Variants in NCOR2 observed in about 807,000 individuals in gnomAD.
The protein encoded by NCOR2 is CTG repeat protein 26.
A neutral mutation model predicts 262.9 loss-of-function variants in NCOR2; 81 were observed. That is an observed-to-expected ratio of 0.31 (90% CI 0.26 to 0.37). The LOEUF is 0.37. Ranked by LOEUF, NCOR2 falls within the 10% of genes least tolerant of loss-of-function variation. NCOR2 has a pLI of 1.00. For synonymous variants in NCOR2, 1,659 were observed against 1,559.3 expected, an observed-to-expected ratio of 1.06 and a Z score of -1.51; for missense variants, 3,385 against 3,621.4, an observed-to-expected ratio of 0.93 and a Z score of 1.68.
At chr12:124,558,517 G>A (rs930241961) in intron 1 of NCOR2, among the ~76,000 whole-genome samples, 18 of 152,234 alleles carry the variant, frequency 1.2e-4, no homozygotes, top group Admixed American at 1.2e-3. Context: ...CAGCCAGAGA[G>A]CAGGCAGGAG....
rs869356 is a variant in NCOR2 at position 124,334,552 on chromosome 12, G to C, written c.6477C>G (p.Pro2159=). Residue 2159 remains proline (P), a synonymous_variant, in exon 41 of 47, where the codon CCC becomes CCG. Coordinates refer to ENST00000405201, the Ensembl canonical transcript of NCOR2. ...AGCTGGCCCCAGGGAAGGAGTAGAG[G>C]GGGGCGGGCAGGGGTGCGCTGAGCT... The C allele has an allele frequency of 2.1e-5, 30 of 1,422,418 alleles. No individual in the cohort carries two copies. The Admixed American group carries it at 8.5e-4, about 40-fold the overall frequency. The allele number at this position is 1,422,418 out of a possible 1,614,324, so 88.1% of individuals were successfully genotyped here. A position where few individuals can be genotyped will look rare whatever the true frequency, so the allele number is the denominator to read the frequency against.
intron 13 of NCOR2, among the ~76,000 whole-genome samples, chr12:124,404,339 T>C (rs2042152303): frequency 6.6e-6 from 1 of 152,174 alleles, no homozygotes; most frequent in Non-Finnish European, 1.5e-5. Flanking sequence ...GCCGGGGCTT[T>C]TGAATCACAC....
intron 14 of NCOR2, among the ~76,000 whole-genome samples, chr12:124,400,916 G>T (rs2041956174): frequency 6.6e-6 from 1 of 152,202 alleles, no homozygotes; most frequent in Admixed American, 6.5e-5. Context: ...TCTCAAAAGG[G>T]AGTTGCGGCC....
chr12:124,374,936 C>G (rs2039872263), intron 18 of NCOR2, among the ~76,000 whole-genome samples: 1 of 152,222 alleles, frequency 6.6e-6, no homozygotes, highest in African/African-American at 2.4e-5. Flanking sequence ...TCCTGCTTCT[C>G]ACCTCCCTTC....
intron 16 of NCOR2, chr12:124,388,887 AGG>A (rs2041045194): frequency 3.4e-5 from 5 of 145,264 alleles, no homozygotes; most frequent in Non-Finnish European, 4.1e-5. Flanking sequence ...GGAGGGAGGG[AGG>A]GAGGGAGCGA....
chr12:124,479,504 TACACACGCACATGCGCGCAC>T (rs1386968138), intron 3 of NCOR2, among the ~76,000 whole-genome samples: 1 of 134,484 alleles, frequency 7.4e-6, no homozygotes, highest in Non-Finnish European at 1.6e-5. Flanking sequence ...CATGCGCGCA[TACACACGCACATGCGCGCAC>T]ACGCACACAC....
intron 15 of NCOR2, 141 bp from the exon 18 acceptor site, chr12:124,398,322 G>A: frequency 2.3e-6 from 2 of 857,388 alleles, no homozygotes; most frequent in South Asian, 3.0e-5. Flanking sequence ...CCGTGGGAAG[G>A]CCACATTTCA....
At chr12:124,565,919 C>A (rs1042972455) in intron 1 of NCOR2, among the ~76,000 whole-genome samples, 1 of 152,158 alleles carries the variant, frequency 6.6e-6, no homozygotes, top group African/African-American at 2.4e-5. Context: ...TCCTCAGCAC[C>A]CCCAAAGAGG....
In NCOR2 at chr12:124,378,518, C is replaced by T; in HGVS notation, c.2020-134G>A. The T allele has an allele frequency of 1.1e-6, 1 of 892,006 alleles. No homozygotes were observed. Among genetic ancestry groups the T allele is most frequent in the South Asian group, 1.8e-5 (1 of 55,874 alleles). 55.3% of individuals were successfully genotyped at this position (892,006 alleles called of 1,614,324 possible). ...TGTAGCAATGAGGGTGACCGTCCCC[C>T]TCACACCCCACCTCGGCAGCCAAGC... On this transcript the variant is annotated intron_variant, in intron 17 of 46. Transcript: ENST00000405201. This position sits in a 1 kb window ranked among gnomAD's most constrained non-coding sequence, Gnocchi z 4.2.
At chr12:124,393,842 C>T (rs1351359257) in intron 16 of NCOR2, among the ~76,000 whole-genome samples, 2 of 152,280 alleles carry the variant, frequency 1.3e-5, no homozygotes, top group East Asian at 3.8e-4. Flanking sequence ...ACACACAAAG[C>T]TTCCAGCAGT....
chr12:124,450,301 G>A (rs2045441265), intron 6 of NCOR2, among the ~76,000 whole-genome samples: 1 of 152,226 alleles, frequency 6.6e-6, no homozygotes, highest in Admixed American at 6.5e-5. Context: ...ACCAGCAAAA[G>A]ACAAAAACGT....
At chr12:124,550,823 C>T (rs536045588) in intron 1 of NCOR2, among the ~76,000 whole-genome samples, 2 of 152,218 alleles carry the variant, frequency 1.3e-5, no homozygotes, top group African/African-American at 4.8e-5. Flanking sequence ...CCTGGCATCA[C>T]CAGGAGAAGC....
chr12:124,375,583 C>CA (rs2039927025), intron 18 of NCOR2, among the ~76,000 whole-genome samples: 2 of 152,070 alleles, frequency 1.3e-5, no homozygotes, highest in East Asian at 1.9e-4. Flanking sequence ...CAAGAGTGAC[C>CA]AAAAAACCAC....
exon 14 of NCOR2, chr12:124,402,512 G>GGCTGCTGCGGCTGCT (rs2042036808): frequency 2.7e-6 from 4 of 1,459,254 alleles, no homozygotes; most frequent in Non-Finnish European, 3.8e-6. Context: ...GCGGGGCATG[G>GGCTGCTGCGGCTGCT]GCTGCTGCTG....
At position 124,457,042 on chromosome 12, in the gene NCOR2, C is replaced by T; in HGVS notation, c.762+64G>A. On this transcript the variant is annotated intron_variant, in intron 6 of 46. Coordinates refer to ENST00000405201, the Ensembl canonical transcript of NCOR2. The surrounding 1 kb of genome is among the most constrained non-coding windows in gnomAD (Gnocchi z 4.0). ...CCTCCTCCGCCGCACCCTCCCGCCT[C>T]CCTGCCCACCTCTCCAGCCACCCCC... The T allele has an allele frequency of 1.1e-6, 1 of 911,186 alleles. No individual in the cohort carries two copies. The highest frequency in any genetic ancestry group is 1.6e-6 in the Non-Finnish European group (1 of 617,720). The allele number at this position is 911,186 out of a possible 1,614,324, so 56.4% of individuals were successfully genotyped here. A position where few individuals can be genotyped will look rare whatever the true frequency, so the allele number is the denominator to read the frequency against.
chr12:124,325,967 G>A (rs1325800888), intron 46 of NCOR2, among the ~76,000 whole-genome samples: 4 of 152,224 alleles, frequency 2.6e-5, no homozygotes, highest in Admixed American at 6.5e-5. Context: ...TGATCTGGCC[G>A]GCCCCAACCA....
chr12:124,446,485 C>A (rs1235515646), intron 7 of NCOR2, among the ~76,000 whole-genome samples: 2 of 152,150 alleles, frequency 1.3e-5, no homozygotes, highest in African/African-American at 4.8e-5. Flanking sequence ...CTCCTTGGGC[C>A]ATGCCAGCCT....
chr12:124,518,766 G>A (rs1005407923), intron 1 of NCOR2, among the ~76,000 whole-genome samples: 3 of 152,332 alleles, frequency 2.0e-5, no homozygotes, highest in East Asian at 1.9e-4. Flanking sequence ...GCTGGCAGGC[G>A]AAAGAGAGCT....
chr12:124,516,203 A>AGTCACTGGCCCAGCATCCGGT (rs2049762639), intron 1 of NCOR2, among the ~76,000 whole-genome samples: 1 of 152,200 alleles, frequency 6.6e-6, no homozygotes, highest in Non-Finnish European at 1.5e-5. Context: ...GCCCTGAGCC[A>AGTCACTGGCCCAGCATCCGGT]GTCACTGGCC....
Sources: gnomAD v4.1 joint callset for allele counts (sites outside exome capture counted in the v4.1 genomes callset) on GRCh38, gnomAD v4.1.1 for gene constraint, Gnocchi (gnomAD v3.1) non-coding constraint, MANE v1.5 for transcripts, NCBI Gene and HGNC (gene_info 2026-07-23, HGNC 2026-07-21) for gene names.